ANKRD13C: variants seen among roughly 807,000 people sequenced by gnomAD.
ANKRD13C encodes the protein ankyrin repeat domain 13C, also known as ankyrin repeat domain-containing protein 13C.
Under a neutral mutation model 65.5 loss-of-function variants are expected in ANKRD13C, and 16 were observed. That is an observed-to-expected ratio of 0.24 (90% CI 0.17 to 0.37). The LOEUF (loss-of-function observed/expected upper bound fraction) is 0.37. ANKRD13C is among the 10% of genes least tolerant of loss of function. The probability of loss-of-function intolerance (pLI) is 1.00; values close to 1 mark genes in which losing one functional copy is unlikely to be tolerated. For missense variants in ANKRD13C, 503 were observed against 655.9 expected (o/e 0.77, Z 2.55); for synonymous variants, 235 against 238.7 (o/e 0.98, Z 0.14).
At chr1:70,279,303 T>C (rs559960700) in intron 9 of ANKRD13C, among the ~76,000 whole-genome samples, 1 of 152,164 alleles carries the variant, frequency 6.6e-6, no homozygotes, top group East Asian at 1.9e-4. Context: ...AGAGTATAAA[T>C]TTTGCTTCAC....
At chr1:70,282,259 G>C (rs1679430651) in intron 9 of ANKRD13C, among the ~76,000 whole-genome samples, 2 of 151,518 alleles carry the variant, frequency 1.3e-5, no homozygotes, top group African/African-American at 4.9e-5. Flanking sequence ...GTTTCACCAT[G>C]TTAGCCAGGC....
intron 2 of ANKRD13C, among the ~76,000 whole-genome samples, chr1:70,327,488 C>G (rs1298112549): frequency 6.6e-6 from 1 of 152,086 alleles, no homozygotes; most frequent in African/African-American, 2.4e-5. Flanking sequence ...GCAAATTGCT[C>G]TAGATTATGA....
intron 9 of ANKRD13C, among the ~76,000 whole-genome samples, chr1:70,290,221 A>G (rs1369597957): frequency 6.6e-6 from 1 of 151,986 alleles, no homozygotes; most frequent in Non-Finnish European, 1.5e-5. Flanking sequence ...ATCTTTCTAA[A>G]TATTAAAATG....
chr1:70,349,359 GTTA>G (rs1166345965), intron 1 of ANKRD13C, among the ~76,000 whole-genome samples: 1 of 152,072 alleles, frequency 6.6e-6, no homozygotes. Context: ...AAAAACAGCT[GTTA>G]TTAAGTGATG....
At chr1:70,310,727 T>C (rs1377792662) in intron 5 of ANKRD13C, among the ~76,000 whole-genome samples, 1 of 152,226 alleles carries the variant, frequency 6.6e-6, no homozygotes, top group Admixed American at 6.5e-5. Flanking sequence ...CCACTAATGA[T>C]TACTAAGAGA....
chr1:70,302,832 C>T (rs1431924782), intron 6 of ANKRD13C, among the ~76,000 whole-genome samples: 1 of 148,454 alleles, frequency 6.7e-6, no homozygotes, highest in Non-Finnish European at 1.5e-5. Context: ...AGGAACAGAT[C>T]ATTTTATATG....
chr1:70,325,055 AG>A, intron 2 of ANKRD13C, 98 bp from the exon 3 acceptor site: 1 of 789,460 alleles, frequency 1.3e-6, no homozygotes, highest in Non-Finnish European at 1.9e-6. Context: ...TAACATAAAT[AG>A]ATGAAATAAA....
At chr1:70,336,311 A>G (rs1001553110) in intron 1 of ANKRD13C, among the ~76,000 whole-genome samples, 8 of 152,118 alleles carry the variant, frequency 5.3e-5, no homozygotes, top group Non-Finnish European at 1.2e-4. Context: ...CTCCAAAAAA[A>G]AGGATATCCA....
At chr1:70,282,322 TG>T (rs912320961) in intron 9 of ANKRD13C, among the ~76,000 whole-genome samples, 1 of 151,872 alleles carries the variant, frequency 6.6e-6, no homozygotes, top group African/African-American at 2.4e-5. Context: ...CCCAAAGTGC[TG>T]GGATTACAGA....
intron 3 of ANKRD13C, among the ~76,000 whole-genome samples, chr1:70,318,935 C>A (rs1402941656): frequency 6.6e-6 from 1 of 152,134 alleles, no homozygotes; most frequent in East Asian, 1.9e-4. Flanking sequence ...CCTGCCTCAG[C>A]CTCCCAAAGT....
chr1:70,321,166 A>G (rs1018050698), intron 3 of ANKRD13C, among the ~76,000 whole-genome samples: 2 of 152,216 alleles, frequency 1.3e-5, no homozygotes, highest in African/African-American at 4.8e-5. Flanking sequence ...ACCAGAGATA[A>G]AGGGGTGAAT....
At chr1:70,306,074 T>C in intron 6 of ANKRD13C, 150 bp downstream of exon 6, 1 of 428,512 alleles carries the variant, frequency 2.3e-6, no homozygotes, top group East Asian at 4.1e-5. Context: ...TTTGGTTTTT[T>C]ATCTATTATG....
intron 12 of ANKRD13C, among the ~76,000 whole-genome samples, chr1:70,270,104 T>A (rs1298512495): frequency 6.6e-6 from 1 of 152,190 alleles, no homozygotes; most frequent in East Asian, 1.9e-4. Context: ...AATTAAACAT[T>A]TAGGGCTGAA....
intron 6 of ANKRD13C, 21 bp from the exon 7 acceptor site, chr1:70,300,929 A>T (rs749490922): frequency 6.3e-7 from 1 of 1,594,382 alleles, no homozygotes; most frequent in Non-Finnish European, 8.5e-7. Flanking sequence ...TGGGTAGATG[A>T]TAAACTCTGA....
intron 12 of ANKRD13C, among the ~76,000 whole-genome samples, chr1:70,265,062 T>C (rs1175928137): frequency 2.0e-5 from 3 of 152,050 alleles, no homozygotes; most frequent in African/African-American, 7.2e-5. Context: ...TAGCAGGCGA[T>C]GAGGTCAGAG....
At chr1:70,278,858 T>C (rs909038733) in intron 9 of ANKRD13C, among the ~76,000 whole-genome samples, 4 of 152,084 alleles carry the variant, frequency 2.6e-5, no homozygotes, top group Non-Finnish European at 5.9e-5. Context: ...AAAATGGGAA[T>C]TGGGCCACTA....
intron 5 of ANKRD13C, among the ~76,000 whole-genome samples, chr1:70,311,593 T>G (rs572715243): frequency 6.6e-6 from 1 of 152,108 alleles, no homozygotes; most frequent in Non-Finnish European, 1.5e-5. Flanking sequence ...AACACTTTAG[T>G]AAGCACTGAA....
intron 2 of ANKRD13C, among the ~76,000 whole-genome samples, chr1:70,327,457 AC>A (rs1461040090): frequency 6.6e-6 from 1 of 152,224 alleles, no homozygotes; most frequent in Non-Finnish European, 1.5e-5. Context: ...AAAGTTGGGC[AC>A]AAAGGTGGGG....
chr1:70,273,624 G>A (rs978162159), intron 11 of ANKRD13C, among the ~76,000 whole-genome samples: 6 of 151,100 alleles, frequency 4.0e-5, no homozygotes, highest in South Asian at 2.1e-4. Context: ...AAGAATAGAC[G>A]AAAATATAAT....
Sources: allele counts gnomAD v4.1 joint callset (sites outside exome capture counted in the v4.1 genomes callset), GRCh38; gene constraint gnomAD v4.1.1; transcripts MANE v1.5; gene names NCBI Gene and HGNC (gene_info 2026-07-23, HGNC 2026-07-21).